Variants in NUMB observed in about 807,000 individuals in gnomAD.
NUMB encodes the protein protein numb homolog.
Under a neutral mutation model 59.7 loss-of-function variants are expected in NUMB, and 29 were observed. That is an observed-to-expected ratio of 0.49 (90% CI 0.36 to 0.66). NUMB has a LOEUF of 0.66. Ranked by LOEUF, NUMB falls within the 30% of genes least tolerant of loss-of-function variation. The probability of loss-of-function intolerance (pLI) is 0.00; values close to 1 mark genes in which losing one functional copy is unlikely to be tolerated. For missense variants in NUMB, 723 were observed against 822.0 expected (o/e 0.88, Z 1.47); for synonymous variants, 288 against 288.2 (o/e 1.00, Z 0.01).
chr14:73,305,283 A>G (rs529270936), intron 6 of NUMB, among the ~76,000 whole-genome samples: 1 of 152,328 alleles, frequency 6.6e-6, no homozygotes, highest in Non-Finnish European at 1.5e-5. Context: ...GTAGTGGGCC[A>G]TAGTTTGCGA....
intron 10 of NUMB, among the ~76,000 whole-genome samples, chr14:73,283,056 T>G (rs372899254): frequency 1.3e-5 from 2 of 152,202 alleles, no homozygotes; most frequent in Non-Finnish European, 2.9e-5. Flanking sequence ...TATGATAACA[T>G]GAAAAAGTGA....
intron 1 of NUMB, among the ~76,000 whole-genome samples, chr14:73,420,789 T>C (rs563241156): frequency 6.6e-6 from 1 of 152,190 alleles, no homozygotes; most frequent in Non-Finnish European, 1.5e-5. Flanking sequence ...CATATTATTA[T>C]GGAAATAGAC....
intron 4 of NUMB, among the ~76,000 whole-genome samples, chr14:73,331,076 T>C (rs999293577): frequency 1.3e-5 from 2 of 151,754 alleles, no homozygotes; most frequent in African/African-American, 4.9e-5. Flanking sequence ...GTCTCTTCTA[T>C]GGTCTATTAT....
intron 2 of NUMB, among the ~76,000 whole-genome samples, chr14:73,400,279 G>C (rs2140115357): frequency 6.6e-6 from 1 of 152,268 alleles, no homozygotes; most frequent in African/African-American, 2.4e-5. Context: ...GTGAGAGGAA[G>C]GGATGGACAG....
intron 1 of NUMB, among the ~76,000 whole-genome samples, chr14:73,434,743 A>T (rs1897980087): frequency 6.6e-6 from 1 of 152,146 alleles, no homozygotes; most frequent in Non-Finnish European, 1.5e-5. Context: ...AAAAAACCAT[A>T]GCTCTCTACA....
intron 11 of NUMB, among the ~76,000 whole-genome samples, chr14:73,280,446 A>G (rs559065586): frequency 6.7e-4 from 101 of 150,960 alleles, no homozygotes; most frequent in Non-Finnish European, 1.1e-3. Context: ...TTTAACAAAG[A>G]TTTTTTTCCC....
chr14:73,282,205 A>T, intron 11 of NUMB, 154 bp downstream of exon 11: 1 of 623,770 alleles, frequency 1.6e-6, no homozygotes, highest in Admixed American at 3.4e-5. Context: ...ACATCGTCGA[A>T]TGGAGAAATC....
At chr14:73,323,018 T>C (rs1000008500) in intron 5 of NUMB, 112 bp downstream of exon 5, 7 of 763,362 alleles carry the variant, frequency 9.2e-6, no homozygotes, top group Non-Finnish European at 1.5e-5. Flanking sequence ...CAAGCCCACA[T>C]CTTTTTAACA....
intron 6 of NUMB, among the ~76,000 whole-genome samples, chr14:73,315,701 T>G (rs567789541): frequency 6.6e-6 from 1 of 152,324 alleles, no homozygotes; most frequent in East Asian, 1.9e-4. Flanking sequence ...CTTTGGGGTA[T>G]ATTTATTTTT....
At chr14:73,382,255 T>C (rs977653286) in intron 2 of NUMB, among the ~76,000 whole-genome samples, 1 of 152,310 alleles carries the variant, frequency 6.6e-6, no homozygotes, top group Middle Eastern at 3.4e-3. Context: ...CGAGTGATTC[T>C]CCTGCCTCAG....
At chr14:73,289,127 C>T (rs1017720157) in intron 8 of NUMB, among the ~76,000 whole-genome samples, 2 of 151,752 alleles carry the variant, frequency 1.3e-5, no homozygotes, top group African/African-American at 4.9e-5. Flanking sequence ...TATGGCCCTC[C>T]GTGCTTTTAG....
At chr14:73,334,149 T>C (rs906010651) in intron 4 of NUMB, among the ~76,000 whole-genome samples, 5 of 152,144 alleles carry the variant, frequency 3.3e-5, no homozygotes, top group African/African-American at 1.2e-4. Context: ...CCTCCCAGGT[T>C]CAGGCGATTC....
intron 1 of NUMB, among the ~76,000 whole-genome samples, chr14:73,428,126 GA>G (rs1169362252): frequency 6.6e-6 from 1 of 152,112 alleles, no homozygotes; most frequent in Non-Finnish European, 1.5e-5. Flanking sequence ...TGATACAATT[GA>G]AAAGTTTTGA....
intron 8 of NUMB, among the ~76,000 whole-genome samples, chr14:73,289,189 C>T (rs1889227797): frequency 6.8e-6 from 1 of 146,240 alleles, no homozygotes; most frequent in Admixed American, 6.7e-5. Flanking sequence ...CCCAACTCTA[C>T]CTCCCAACCA....
chr14:73,387,759 AC>A (rs1305450156), intron 2 of NUMB, among the ~76,000 whole-genome samples: 13 of 137,376 alleles, frequency 9.5e-5, no homozygotes, highest in African/African-American at 4.3e-4. Context: ...AAACAAACAA[AC>A]AAAAAAAAAA....
intron 12 of NUMB, among the ~76,000 whole-genome samples, chr14:73,278,318 G>A (rs1165161085): frequency 1.3e-5 from 2 of 151,970 alleles, no homozygotes; most frequent in South Asian, 4.2e-4. Context: ...TCAGGAGTTC[G>A]AAAACAGCCT....
chr14:73,397,686 A>G (rs527865310), intron 2 of NUMB, among the ~76,000 whole-genome samples: 1 of 152,326 alleles, frequency 6.6e-6, no homozygotes, highest in South Asian at 2.1e-4. Context: ...TCTCACTTTT[A>G]TAATAAAAAT....
In NUMB at chr14:73,276,785, G is replaced by A. The variant is rs768611398; in HGVS notation, c.1749C>T (p.Leu583=). 2 of 1,614,206 alleles carry A rather than the reference G, an allele frequency of 1.2e-6. No homozygotes were observed. Among genetic ancestry groups the A allele is most frequent in the Admixed American group, 3.3e-5 (2 of 60,032 alleles). Residue 583 remains leucine (L), a synonymous_variant, in exon 13 of 13, where the codon CTC becomes CTT. Transcript: ENST00000555238. Reference sequence around the variant, plus strand: ...CACCATTGAAAGCTGCAGAACCGTTGAGGTGCTGAGCAGGAGGCTTAAAGA... The same window carrying A: ...CACCATTGAAAGCTGCAGAACCGTTAAGGTGCTGAGCAGGAGGCTTAAAGA... ...SPFFKPPAQH[L]NGSAAFNGVD... is the part of the protein sequence containing the mutation.
intron 6 of NUMB, among the ~76,000 whole-genome samples, chr14:73,312,373 C>A (rs1890821533): frequency 1.3e-5 from 2 of 152,036 alleles, no homozygotes; most frequent in Non-Finnish European, 2.9e-5. Context: ...TGAAGGGGGA[C>A]TCTGTCTCAA....
Sources: gnomAD v4.1 joint callset for allele counts (sites outside exome capture counted in the v4.1 genomes callset) on GRCh38, gnomAD v4.1.1 for gene constraint, MANE v1.5 for transcripts, NCBI Gene and HGNC (gene_info 2026-07-23, HGNC 2026-07-21) for gene names.